CAPRIN2: variants seen among roughly 807,000 people sequenced by gnomAD.
CAPRIN2 encodes the protein caprin family member 2.
CAPRIN2 carries 66 observed loss-of-function variants against 130.4 expected under a neutral mutation model. That is an observed-to-expected ratio of 0.51 (90% CI 0.42 to 0.62). The LOEUF is 0.62. CAPRIN2 is among the 20% of genes least tolerant of loss of function. The probability of loss-of-function intolerance (pLI) is 0.00; values close to 1 mark genes in which losing one functional copy is unlikely to be tolerated. For synonymous variants in CAPRIN2, 471 were observed against 444.1 expected (o/e 1.06, Z -0.76); for missense variants, 1,185 against 1,246.6 (o/e 0.95, Z 0.74).
chr12:30,734,679 C>T (rs992097600), intron 4 of CAPRIN2, among the ~76,000 whole-genome samples: 18 of 152,046 alleles, frequency 1.2e-4, no homozygotes, highest in African/African-American at 3.9e-4. Flanking sequence ...ATTTGATGCT[C>T]AGACCTCATT....
At chr12:30,735,240 T>C in intron 3 of CAPRIN2, 34 bp from the exon 5 acceptor site, 2 of 1,490,382 alleles carry the variant, frequency 1.3e-6, no homozygotes, top group South Asian at 1.1e-5. Context: ...AGGGTAACAA[T>C]TCTCTACCAT....
At chr12:30,713,945 G>A (rs1591922827) in intron 14 of CAPRIN2, 60 bp from the exon 17 acceptor site, 5 of 985,048 alleles carry the variant, frequency 5.1e-6, no homozygotes, top group East Asian at 2.4e-5. Flanking sequence ...CTTTTAAACA[G>A]TCTAATTCTA....
In CAPRIN2 at chr12:30,751,055, A is replaced by T; in HGVS notation, c.483+16T>A. On this transcript the variant is annotated intron_variant, in intron 2 of 16. Coordinates refer to ENST00000298892, the Ensembl canonical transcript of CAPRIN2. ...GAAAACCAGCAAGTCTTACTAAAAG[A>T]TCATAAGCCACTTACCAACTGGTCT... 6.2e-7 allele frequency: 1 copy of T among 1,602,938 alleles called. No homozygotes were observed. The highest frequency in any genetic ancestry group is 8.5e-7 in the Non-Finnish European group (1 of 1,169,830).
intron 2 of CAPRIN2, among the ~76,000 whole-genome samples, chr12:30,741,370 T>G (rs2067346867): frequency 6.6e-6 from 1 of 152,148 alleles, no homozygotes; most frequent in African/African-American, 2.4e-5. Context: ...CTATAAAGTC[T>G]AAGATCAGAA....
intron 11 of CAPRIN2, among the ~76,000 whole-genome samples, chr12:30,722,800 T>G (rs1327474841): frequency 2.0e-5 from 3 of 151,984 alleles, no homozygotes; most frequent in African/African-American, 7.3e-5. Context: ...CTCGGGAGGC[T>G]GAGACACAGA....
chr12:30,713,849 T>C lies in CAPRIN2; in HGVS notation c.2537A>G (p.Asn846Ser), dbSNP rs769030647. ...GAACTGCAGCTGGCTATAATTTCCA[T>C]TGGAAATTGAAGGGAGTCCTCTATA... Residue 846 changes from asparagine (N) to serine (S), a missense_variant, in exon 15 of 17, where the codon AAT becomes AGT. Around this residue, in one of 2 missense-constraint regions of CAPRIN2, gnomAD observed 1,104 missense variants for 1,104.3 expected, o/e 1.00. Coordinates refer to ENST00000298892, the Ensembl canonical transcript of CAPRIN2. The C allele has an allele frequency of 3.0e-5, 48 of 1,609,172 alleles. No individual in the cohort carries two copies. Among genetic ancestry groups the C allele is most frequent in the East Asian group, 4.5e-5 (2 of 44,798 alleles).
chr12:30,715,154 A>T lies in CAPRIN2; in HGVS notation c.2318-13T>A. On this transcript the variant is annotated splice_polypyrimidine_tract_variant and intron_variant, in intron 13 of 16. Transcript: ENST00000298892. ...GGATGATAATTTGCTGCTTAAGAAA[A>T]ACGATTTTAGGGTCCAAGAGTTAAA... The T allele has an allele frequency of 6.2e-7, 1 of 1,612,526 alleles. No homozygotes were observed. Among genetic ancestry groups the T allele is most frequent in the South Asian group, 1.1e-5 (1 of 91,012 alleles).
In CAPRIN2 at chr12:30,725,201, C is replaced by T. The variant is rs137950608; in HGVS notation, c.1906-750G>A. On this transcript the variant is annotated intron_variant, in intron 9 of 16. Coordinates refer to ENST00000298892, the Ensembl canonical transcript of CAPRIN2. The stretch of plus-strand genomic sequence containing the variant: ...AAAACATTTTCAAGATGAGAAATCA[C>T]GCTCTTGTATCTGCCTATCTCGGTT... Among the ~76,000 whole-genome samples, 514 of 152,314 alleles carry T rather than the reference C, an allele frequency of 3.4e-3. 8 individuals carry two copies. The highest frequency in any genetic ancestry group is 0.011 in the African/African-American group (461 of 41,578).
At position 30,734,805 on chromosome 12, in the gene CAPRIN2, T is replaced by C. The variant is rs556432319; in HGVS notation, c.809+163A>G. On this transcript the variant is annotated intron_variant, in intron 4 of 16. Coordinates refer to ENST00000298892, the Ensembl canonical transcript of CAPRIN2. ...CTCTGGGCCAGCCAAGGTTTCCATA[T>C]TGAATCAAATTAATACTTTCTTAAG... 4.7e-4 allele frequency: 290 copies of C among 613,068 alleles called. 1 individual carries two copies. Among genetic ancestry groups the C allele is most frequent in the African/African-American group, 4.6e-3 (252 of 54,400 alleles). 38.0% of individuals were successfully genotyped at this position (613,068 alleles called of 1,614,324 possible). A position where few individuals can be genotyped will look rare whatever the true frequency, so the allele number is the denominator to read the frequency against.
chr12:30,728,762 T>C, exon 8 of CAPRIN2: 1 of 1,614,102 alleles, frequency 6.2e-7, no homozygotes, highest in Non-Finnish European at 8.5e-7. Context: ...TTAAAGAGTG[T>C]TTTTGACTCT....
At chr12:30,753,840 T>G in exon 1 of CAPRIN2, 1 of 1,431,078 alleles carries the variant, frequency 7.0e-7, no homozygotes, top group South Asian at 1.4e-5. Flanking sequence ...ATACGGAGGA[T>G]GTTTCCAGAA....
chr12:30,728,980 C>T (rs1206186470), exon 8 of CAPRIN2: 2 of 1,614,194 alleles, frequency 1.2e-6, no homozygotes, highest in Non-Finnish European at 1.7e-6. Context: ...TCCTCTTGAA[C>T]ATACCCTGCT....
intron 2 of CAPRIN2, among the ~76,000 whole-genome samples, chr12:30,742,688 A>AG (rs966497208): frequency 6.6e-6 from 1 of 151,630 alleles, no homozygotes; most frequent in Non-Finnish European, 1.5e-5. Context: ...AGGGCAGCAA[A>AG]AAAAAAAAAT....
At chr12:30,731,168 T>C (rs2062549357) in intron 6 of CAPRIN2, among the ~76,000 whole-genome samples, 175 bp downstream of exon 7, 1 of 152,184 alleles carries the variant, frequency 6.6e-6, no homozygotes, top group African/African-American at 2.4e-5. Flanking sequence ...CGGTAAATCA[T>C]GGTGATAAAG....
At position 30,724,305 on chromosome 12, in the gene CAPRIN2, G is replaced by GACA; in HGVS notation, c.1987+62_1987+64dup. On this transcript the variant is annotated intron_variant, in intron 10 of 16. Transcript: ENST00000298892. ...CATCTAAAATAAAATCATTTGAAAA[G>GACA]ACAACAACAACAAATAGCTGTTAGC... 5.2e-6 allele frequency: 5 copies of GACA among 958,614 alleles called. No individual in the cohort carries two copies. In the South Asian group the frequency reaches 6.7e-5, roughly 13 times the overall value. The allele number at this position is 958,614 out of a possible 1,614,324, so 59.4% of individuals were successfully genotyped here. A position where few individuals can be genotyped will look rare whatever the true frequency, so the allele number is the denominator to read the frequency against.
chr12:30,715,431 T>C (rs1234870135), intron 13 of CAPRIN2: 2 of 499,892 alleles, frequency 4.0e-6, no homozygotes, highest in Non-Finnish European at 7.8e-6. Flanking sequence ...GCACAAATAT[T>C]GTATACCACT....
Position 30,737,326 on chromosome 12 carries a change from G to T in CAPRIN2, c.571-2120C>A, listed in dbSNP as rs140219490. ...ATTTATCTGCATCTATGATGACAGG[G>T]ACTATATCTACTGTTCACCAATATT... On this transcript the variant is annotated intron_variant, in intron 3 of 16. Transcript: ENST00000298892. 2.1e-3 allele frequency among the ~76,000 whole-genome samples: 312 copies of T among 152,146 alleles called. 4 individuals carry two copies. Among genetic ancestry groups the T allele is most frequent in the African/African-American group, 7.3e-3 (304 of 41,508 alleles).
Position 30,710,078 on chromosome 12 carries a change from C to T in CAPRIN2, c.3058G>A (p.Val1020Ile), listed in dbSNP as rs754960381. The T allele has an allele frequency of 6.2e-7, 1 of 1,614,136 alleles. No individual in the cohort carries two copies. The highest frequency in any genetic ancestry group is 1.1e-5 in the South Asian group (1 of 91,084). The change falls in exon 17 of 17, where the codon GTC becomes ATC. Residue 1020 changes from valine to isoleucine, a missense_variant. Coordinates refer to ENST00000298892, the Ensembl canonical transcript of CAPRIN2. The surrounding 1 kb of genome is among the most constrained non-coding windows in gnomAD (Gnocchi z 4.8). ...TCATTGGCATAGGCTGATACCAAGACCTCTTCATTCTTCATGAGGTTGACA... is the reference window on the plus strand; with the variant it reads ...TCATTGGCATAGGCTGATACCAAGATCTCTTCATTCTTCATGAGGTTGACA...
At chr12:30,741,909 G>T (rs535887335) in intron 2 of CAPRIN2, among the ~76,000 whole-genome samples, 3 of 152,182 alleles carry the variant, frequency 2.0e-5, no homozygotes, top group South Asian at 4.1e-4. Context: ...CCAGCAACTG[G>T]TAAGTGGATA....
Sources: allele counts gnomAD v4.1 joint callset (sites outside exome capture counted in the v4.1 genomes callset), GRCh38; gene constraint gnomAD v4.1.1; regional missense constraint gnomAD v4.1.1; non-coding constraint Gnocchi (gnomAD v3.1); transcripts MANE v1.5; gene names NCBI Gene and HGNC (gene_info 2026-07-23, HGNC 2026-07-21).